Variants in CCM2L observed in about 807,000 individuals in gnomAD.
The protein encoded by CCM2L is cerebral cavernous malformations 2 protein-like.
A neutral mutation model predicts 54.1 loss-of-function variants in CCM2L; 36 were observed. The ratio of observed to expected loss-of-function variants is 0.67; its 90% CI spans 0.51 to 0.88. The LOEUF (loss-of-function observed/expected upper bound fraction) is 0.88. CCM2L is among the 40% of genes least tolerant of loss of function. The pLI, the probability that CCM2L is intolerant of heterozygous loss-of-function variation, is 0.00. For missense variants in CCM2L, 700 were observed against 812.1 expected (o/e 0.86, Z 1.68); for synonymous variants, 351 against 359.3 (o/e 0.98, Z 0.26).
Position 32,029,175 on chromosome 20 carries a change from G to A in CCM2L, c.1263+51G>A, listed in dbSNP as rs778589391. 18 of 1,613,026 alleles carry A rather than the reference G, an allele frequency of 1.1e-5. No homozygotes were observed. The African/African-American group carries it at 2.4e-4, about 22-fold the overall frequency. ...GGCACAAGCAAAAGCCTGGAGGCTG[G>A]AGTAAACATTTTGGGAATGGCACAT... On this transcript the variant is annotated intron_variant, in intron 8 of 9. Coordinates refer to ENST00000452892, the MANE Select transcript of CCM2L (RefSeq NM_001365692.1).
At chr20:32,029,920 TG>T in intron 9 of CCM2L, 82 bp downstream of exon 9, 1 of 1,413,070 alleles carries the variant, frequency 7.1e-7, no homozygotes, top group Middle Eastern at 2.3e-4. Context: ...AGGCTGCAAA[TG>T]TTTTCTCCTT....
chr20:32,028,852 A>T, intron 7 of CCM2L, 143 bp from the exon 8 acceptor site: 1 of 1,004,080 alleles, frequency 1.0e-6, no homozygotes, highest in Non-Finnish European at 1.5e-6. Context: ...GTGACAGATG[A>T]GACTTGAGAG....
At chr20:32,013,545 G>T (rs1304637624) in intron 1 of CCM2L, among the ~76,000 whole-genome samples, 1 of 152,020 alleles carries the variant, frequency 6.6e-6, no homozygotes, top group Non-Finnish European at 1.5e-5. Flanking sequence ...AGGCTCAGGT[G>T]ATCCTCCCAC....
chr20:32,025,290 T>TC (rs2064848073), intron 6 of CCM2L, among the ~76,000 whole-genome samples: 1 of 151,734 alleles, frequency 6.6e-6, no homozygotes, highest in African/African-American at 2.4e-5. Context: ...TTATTTTTTT[T>TC]CAGGGTCTGG....
chr20:32,024,867 A>G (rs1280348770), intron 6 of CCM2L, among the ~76,000 whole-genome samples: 4 of 152,236 alleles, frequency 2.6e-5, no homozygotes, highest in African/African-American at 9.6e-5. Context: ...GGGAGAATGT[A>G]TAATGAGGAA....
chr20:32,025,443 G>A (rs960033683), intron 6 of CCM2L, among the ~76,000 whole-genome samples: 2 of 151,762 alleles, frequency 1.3e-5, no homozygotes, highest in Admixed American at 1.3e-4. Flanking sequence ...TAATTTTTTT[G>A]TTATTGTAGA....
intron 1 of CCM2L, among the ~76,000 whole-genome samples, chr20:32,014,662 A>C (rs1486645310): frequency 6.6e-6 from 1 of 152,188 alleles, no homozygotes; most frequent in Non-Finnish European, 1.5e-5. Context: ...TTTAGAAAGA[A>C]GGTCGTTGGA....
chr20:32,029,902 C>G (rs1446639377), intron 9 of CCM2L, 64 bp downstream of exon 9: 10 of 1,450,448 alleles, frequency 6.9e-6, no homozygotes, highest in Non-Finnish European at 3.7e-6. Flanking sequence ...CCATCCCAGT[C>G]AGGCACCAGG....
chr20:32,029,263 G>T (rs992022501), intron 8 of CCM2L, 139 bp downstream of exon 8: 5 of 1,202,986 alleles, frequency 4.2e-6, no homozygotes, highest in African/African-American at 1.5e-5. Context: ...GGTTAGGAGA[G>T]TAAACTGAGG....
intron 2 of CCM2L, among the ~76,000 whole-genome samples, chr20:32,015,690 G>T (rs62207262): frequency 0.028 from 4,262 of 152,234 alleles, 80 homozygotes; most frequent in Non-Finnish European, 0.043. Flanking sequence ...GTTCATGCAT[G>T]AGAATCCTCC....
chr20:32,025,911 C>T lies in CCM2L; in HGVS notation c.1125C>T (p.Cys375=), dbSNP rs1170500232. 1 of 1,304,086 alleles carries T rather than the reference C, an allele frequency of 7.7e-7. No individual in the cohort carries two copies. Among genetic ancestry groups the T allele is most frequent in the Non-Finnish European group, 1.0e-6 (1 of 988,910 alleles). The allele number at this position is 1,304,086 out of a possible 1,614,324, so 80.8% of individuals were successfully genotyped here. The change falls in exon 7 of 10, where the codon TGC becomes TGT. Residue 375 remains cysteine (C), a synonymous_variant. Coordinates refer to ENST00000452892, the MANE Select transcript of CCM2L (RefSeq NM_001365692.1). Reference sequence around the variant, plus strand: ...CCTATGATGCCGACTTCAGCTGCTGCAGCTCCTTGTGAGTACAGCCCCTGT... The same window carrying T: ...CCTATGATGCCGACTTCAGCTGCTGTAGCTCCTTGTGAGTACAGCCCCTGT... ...TYAYDADFSC[C]SSFNGSQDTF...
chr20:32,029,656 G>A lies in CCM2L; in HGVS notation c.1264-44G>A, dbSNP rs781604417. The stretch of plus-strand genomic sequence containing the variant: ...GGGCCTTTCAGGCAGGGGTTGGGTG[G>A]CGCTGCTTCCTGGGATTGATCTCGA... On this transcript the variant is annotated intron_variant, in intron 8 of 9. Coordinates refer to ENST00000452892, the MANE Select transcript of CCM2L (RefSeq NM_001365692.1). The A allele has an allele frequency of 1.9e-5, 30 of 1,562,376 alleles. 1 individual carries two copies. In the East Asian group the frequency reaches 6.6e-4, roughly 34 times the overall value.
intron 5 of CCM2L, 124 bp downstream of exon 5, chr20:32,019,533 C>A: frequency 4.7e-6 from 3 of 639,354 alleles, no homozygotes; most frequent in Non-Finnish European, 7.2e-6. Flanking sequence ...CCTGCACCTG[C>A]CCCACCTAAT....
intron 6 of CCM2L, among the ~76,000 whole-genome samples, chr20:32,024,668 A>G (rs1275257074): frequency 1.3e-5 from 2 of 152,136 alleles, no homozygotes; most frequent in African/African-American, 4.8e-5. Flanking sequence ...CTCTACTAAA[A>G]ATACAAAAAT....
intron 6 of CCM2L, among the ~76,000 whole-genome samples, chr20:32,023,550 A>ATG (rs1352595299): frequency 1.3e-5 from 2 of 152,256 alleles, no homozygotes; most frequent in African/African-American, 4.8e-5. Flanking sequence ...TTGTGTGCCA[A>ATG]GCACCGTACC....
chr20:32,031,287 C>A lies in CCM2L; in HGVS notation c.1689C>A (p.Ser563Arg), dbSNP rs2064924305. Residue 563 changes from serine to arginine, a missense_variant, in exon 10 of 10, where the codon AGC becomes AGA. Physicochemically the swap from Ser to Arg is moderately radical, Grantham distance 110. Coordinates refer to ENST00000452892, the MANE Select transcript of CCM2L (RefSeq NM_001365692.1). ...AGCCCCGGGGCTCCAGGGGCGGGAG[C>A]GACGCCGCAGAAGACAACTACCTGT... ...EDEPRGSRGG[S>R]DAAEDNYL 1.4e-5 allele frequency: 18 copies of A among 1,288,566 alleles called. No individual in the cohort carries two copies. The highest frequency in any genetic ancestry group is 1.6e-5 in the Non-Finnish European group (16 of 986,714). 79.8% of individuals were successfully genotyped at this position (1,288,566 alleles called of 1,614,324 possible). A position where few individuals can be genotyped will look rare whatever the true frequency, so the allele number is the denominator to read the frequency against.
chr20:32,029,032 G>A lies in CCM2L; in HGVS notation c.1171G>A (p.Gly391Ser), dbSNP rs6089151. The A allele has an allele frequency of 0.048, 77,192 of 1,614,140 alleles. 2,126 individuals are homozygous for A. The highest frequency in any genetic ancestry group is 0.057 in the Non-Finnish European group (67,034 of 1,180,022). The change falls in exon 8 of 10, where the codon GGC (glycine) becomes AGC (serine). Residue 391 changes from glycine to serine, a missense_variant. Physicochemically the swap from Gly to Ser is moderately conservative, Grantham distance 56. Coordinates refer to ENST00000452892, the MANE Select transcript of CCM2L (RefSeq NM_001365692.1). ...GGACACCTTTGAAGCATGTTACAGCGGCACGTCCACACCTTCTTTCCATGG... is the reference window on the plus strand; with the variant it reads ...GGACACCTTTGAAGCATGTTACAGCAGCACGTCCACACCTTCTTTCCATGG... ...SQDTFEACYS[G>S]TSTPSFHGSH...
chr20:32,010,799 C>A (rs142123448), intron 1 of CCM2L, among the ~76,000 whole-genome samples: 2,840 of 152,260 alleles, frequency 0.019, 31 homozygotes, highest in Non-Finnish European at 0.028. Flanking sequence ...CTCCCTCCTG[C>A]AGCCTCTCAG....
In CCM2L at chr20:32,031,453, T is replaced by C. The variant is rs1313022593; in HGVS notation, c.*139T>C. 3 of 655,258 alleles carry C rather than the reference T, an allele frequency of 4.6e-6. No individual in the cohort carries two copies. Among genetic ancestry groups the C allele is most frequent in the East Asian group, 7.1e-5 (1 of 14,110 alleles). The allele number at this position is 655,258 out of a possible 1,614,324, so 40.6% of individuals were successfully genotyped here. Reference sequence around the variant, plus strand: ...CACTCCAGGGTCTCGCTCCCTGCCCTTGGGGCCCGGGGCCATGCAGTACCT... The same window carrying C: ...CACTCCAGGGTCTCGCTCCCTGCCCCTGGGGCCCGGGGCCATGCAGTACCT... On this transcript the variant is annotated 3_prime_UTR_variant, in exon 10 of 10. Coordinates refer to ENST00000452892, the MANE Select transcript of CCM2L (RefSeq NM_001365692.1).
Sources: gnomAD v4.1 joint callset for allele counts (sites outside exome capture counted in the v4.1 genomes callset) on GRCh38, gnomAD v4.1.1 for gene constraint, MANE v1.5 for transcripts, NCBI Gene and HGNC (gene_info 2026-07-23, HGNC 2026-07-21) for gene names.